The following NFYC variants were observed in gnomAD, a reference collection of about 807,000 sequenced individuals.
NFYC encodes the protein CAAT box DNA-binding protein subunit C.
Under a neutral mutation model 53.1 loss-of-function variants are expected in NFYC, and 25 were observed. That is an observed-to-expected ratio of 0.47 (90% CI 0.34 to 0.66). NFYC has a LOEUF of 0.66. NFYC is among the 30% of genes least tolerant of loss of function. The pLI is 0.01. For missense variants in NFYC, 260 were observed against 422.7 expected, an observed-to-expected ratio of 0.62 and a Z score of 3.38; for synonymous variants, 145 against 152.6, an observed-to-expected ratio of 0.95 and a Z score of 0.37.
At chr1:40,742,015 C>T (rs1485306208) in intron 2 of NFYC, among the ~76,000 whole-genome samples, 1 of 152,028 alleles carries the variant, frequency 6.6e-6, no homozygotes, top group African/African-American at 2.4e-5. Flanking sequence ...GGGACCCTTC[C>T]TACTCAGTCC....
At position 40,749,696 on chromosome 1, in the gene NFYC, C is replaced by G. The variant is rs367586482; in HGVS notation, c.291+10C>G. On this transcript the variant is annotated intron_variant, in intron 4 of 9. Coordinates refer to ENST00000447388, the MANE Select transcript of NFYC (RefSeq NM_014223.5). ...GCGCCGGACTCTACAGGTATTATTG[C>G]AGACTTAGATTAGGAAAACTGGGGT... 3.1e-6 allele frequency: 5 copies of G among 1,608,754 alleles called. No homozygotes were observed. The African/African-American group carries it at 6.7e-5, about 22-fold the overall frequency.
intron 1 of NFYC, among the ~76,000 whole-genome samples, chr1:40,702,790 A>C (rs779406060): frequency 5.9e-5 from 9 of 152,128 alleles, no homozygotes; most frequent in Non-Finnish European, 1.3e-4. Flanking sequence ...AGAAATTATA[A>C]TCTGGCAGTC....
chr1:40,724,891 C>T (rs984892540), intron 1 of NFYC, among the ~76,000 whole-genome samples: 1 of 152,214 alleles, frequency 6.6e-6, no homozygotes, highest in African/African-American at 2.4e-5. Flanking sequence ...AGTGTGCAGC[C>T]ACTTCTAAGC....
chr1:40,758,429 T>C, intron 6 of NFYC, 135 bp downstream of exon 6: 1 of 999,890 alleles, frequency 1.0e-6, no homozygotes, highest in African/African-American at 1.6e-5. Context: ...AACTGGAACT[T>C]TTCCCCAGAT....
Position 40,753,228 on chromosome 1 carries a change from G to C in NFYC, c.369G>C (p.Leu123=), listed in dbSNP as rs773958919. 5 of 1,613,652 alleles carry C rather than the reference G, an allele frequency of 3.1e-6. No individual in the cohort carries two copies. The Admixed American group carries it at 8.3e-5, about 27-fold the overall frequency. The change falls in exon 5 of 10, where the codon CTG becomes CTC. Residue 123 remains leucine (L), a synonymous_variant. Transcript: ENST00000447388. ...TCGATATTGTTCCAAGAGATGAACTGAAACCTCCAAAGCGTCAGGTGAGCT... is the reference window on the plus strand; with the variant it reads ...TCGATATTGTTCCAAGAGATGAACTCAAACCTCCAAAGCGTCAGGTGAGCT... The part of the protein sequence containing the change: ...FLIDIVPRDE[L]KPPKRQEEVR...
At chr1:40,736,264 T>G (rs1231270480) in intron 1 of NFYC, among the ~76,000 whole-genome samples, 3 of 151,842 alleles carry the variant, frequency 2.0e-5, no homozygotes, top group Non-Finnish European at 2.9e-5. Flanking sequence ...TTTCCCCTCA[T>G]CATTTCCTTT....
chr1:40,699,897 A>T (rs772686470), intron 1 of NFYC, among the ~76,000 whole-genome samples: 26 of 152,328 alleles, frequency 1.7e-4, no homozygotes, highest in Non-Finnish European at 2.5e-4. Flanking sequence ...CAGAATTATT[A>T]TTCAGAGCCT....
intron 4 of NFYC, among the ~76,000 whole-genome samples, chr1:40,752,046 CT>C (rs1380902877): frequency 1.3e-5 from 2 of 152,124 alleles, no homozygotes; most frequent in African/African-American, 2.4e-5. Flanking sequence ...GATGAGTCAC[CT>C]TTTAAGGTGT....
At chr1:40,759,548 A>G (rs562449234) in intron 6 of NFYC, among the ~76,000 whole-genome samples, 2 of 117,650 alleles carry the variant, frequency 1.7e-5, no homozygotes, top group Admixed American at 9.6e-5. Context: ...AAAAAAAACA[A>G]AAAAAAGTAT....
At chr1:40,759,251 G>T (rs11208827) in intron 6 of NFYC, among the ~76,000 whole-genome samples, 74,541 of 149,680 alleles carry the variant, frequency 0.5, 19,516 homozygotes, top group Non-Finnish European at 0.59. Flanking sequence ...AAAAAAAAAG[G>T]CAGGGGCATG....
rs566876366 is a variant in NFYC, at chr1:40,719,855, C to G, written c.-8-18981C>G. On this transcript the variant is annotated intron_variant, in intron 1 of 9. Transcript: ENST00000447388. ...ATTTCACCTGTGGCATATACTTGTC[C>G]TGGTGAATTCTGCCAAGTTCCTCAG... is the stretch of plus-strand genomic sequence containing the variant. 2.6e-4 allele frequency among the ~76,000 whole-genome samples: 39 copies of G among 152,310 alleles called. 1 individual carries two copies. The South Asian group carries it at 8.1e-3, about 32-fold the overall frequency.
intron 3 of NFYC, among the ~76,000 whole-genome samples, chr1:40,748,798 A>G (rs528686941): frequency 6.9e-4 from 105 of 152,324 alleles, no homozygotes; most frequent in African/African-American, 2.5e-3. Flanking sequence ...TCTTCCTCAC[A>G]GTAGCCCTGT....
intron 1 of NFYC, among the ~76,000 whole-genome samples, chr1:40,710,047 G>A (rs1183917167): frequency 6.6e-6 from 1 of 152,182 alleles, no homozygotes; most frequent in Non-Finnish European, 1.5e-5. Context: ...AGAAATTTGT[G>A]TGAAAATACG....
At chr1:40,763,361 A>G (rs1016125200) in intron 7 of NFYC, 3 of 455,322 alleles carry the variant, frequency 6.6e-6, no homozygotes, top group Non-Finnish European at 1.3e-5. Context: ...TTTTCTTTTT[A>G]GGAGACAGGT....
intron 2 of NFYC, among the ~76,000 whole-genome samples, chr1:40,745,475 A>G (rs1408827381): frequency 6.6e-6 from 1 of 152,178 alleles, no homozygotes; most frequent in Non-Finnish European, 1.5e-5. Context: ...TAAACTTTTA[A>G]AAAAACTCTT....
At chr1:40,734,580 C>T (rs1436961263) in intron 1 of NFYC, among the ~76,000 whole-genome samples, 11 of 151,896 alleles carry the variant, frequency 7.2e-5, no homozygotes, top group African/African-American at 1.2e-4. Context: ...AGGCTGGTCT[C>T]GAACTCCTGA....
At chr1:40,697,342 G>C (rs796854613) in intron 1 of NFYC, among the ~76,000 whole-genome samples, 12 of 152,302 alleles carry the variant, frequency 7.9e-5, no homozygotes, top group African/African-American at 2.9e-4. Context: ...TTCCAAATGG[G>C]AGAGCAACCA....
intron 1 of NFYC, among the ~76,000 whole-genome samples, chr1:40,706,471 G>A (rs1016054026): frequency 6.6e-6 from 1 of 152,138 alleles, no homozygotes; most frequent in East Asian, 1.9e-4. Flanking sequence ...CTCTGCACAT[G>A]TCAAGGATGA....
chr1:40,731,515 T>G (rs986936066), intron 1 of NFYC, among the ~76,000 whole-genome samples: 3 of 149,004 alleles, frequency 2.0e-5, no homozygotes, highest in African/African-American at 7.5e-5. Flanking sequence ...GGACAGAGTC[T>G]TGCTCTGTTG....
Sources: gnomAD v4.1 joint callset for allele counts (sites outside exome capture counted in the v4.1 genomes callset) on GRCh38, gnomAD v4.1.1 for gene constraint, MANE v1.5 for transcripts, NCBI Gene and HGNC (gene_info 2026-07-23, HGNC 2026-07-21) for gene names.